Variants in OPRK1 observed in about 807,000 individuals in gnomAD.
OPRK1 encodes the protein opioid receptor kappa 1.
In OPRK1, 15 loss-of-function variants were observed where a neutral mutation model predicts 24.5. The ratio of observed to expected loss-of-function variants is 0.61; its 90% CI spans 0.41 to 0.94. The LOEUF is 0.94. OPRK1 is among the 40% of genes least tolerant of loss of function. The pLI is 0.00. For missense variants in OPRK1, 479 were observed against 507.3 expected (o/e 0.94, Z 0.54); for synonymous variants, 205 against 198.0 (o/e 1.04, Z -0.30).
intron 3 of OPRK1, among the ~76,000 whole-genome samples, chr8:53,233,992 T>C (rs1407394628): frequency 6.6e-6 from 1 of 151,832 alleles, no homozygotes; most frequent in Non-Finnish European, 1.5e-5. Flanking sequence ...GGTCAAGAGA[T>C]TGAGACCACC....
In OPRK1 at chr8:53,234,182, C is replaced by CAAAAAAAAAAAAAAAAAAAAAAA. The variant is rs546459906; in HGVS notation, c.610+576_610+577insTTTTTTTTTTTTTTTTTTTTTTT. Among the ~76,000 whole-genome samples the CAAAAAAAAAAAAAAAAAAAAAAA allele has an allele frequency of 1.5e-3, 98 of 65,298 alleles. 3 individuals carry two copies. Among genetic ancestry groups the CAAAAAAAAAAAAAAAAAAAAAAA allele is most frequent in the South Asian group, 3.7e-3 (5 of 1,360 alleles). 42.8% of individuals were successfully genotyped at this position (65,298 alleles called of 152,430 possible). ...CTGGCAACAGAGCAAGACTCTCTCT[C>CAAAAAAAAAAAAAAAAAAAAAAA]AAAAAAAAAAAAAAAAAAAAATCAG... On this transcript the variant is annotated intron_variant, in intron 3 of 3. Coordinates refer to ENST00000265572, the MANE Select transcript of OPRK1 (RefSeq NM_000912.5).
chr8:53,241,873 T>G (rs1427596510), intron 2 of OPRK1, among the ~76,000 whole-genome samples: 1 of 152,150 alleles, frequency 6.6e-6, no homozygotes, highest in East Asian at 1.9e-4. Flanking sequence ...GAGCGATGAT[T>G]CCGCGGGAAC....
At position 53,234,879 on chromosome 8, in the gene OPRK1, C is replaced by CG; in HGVS notation, c.489dup (p.Val164ArgfsTer46). The CG allele has an allele frequency of 6.2e-7, 1 of 1,614,126 alleles. No individual in the cohort carries two copies. The highest frequency in any genetic ancestry group is 8.5e-7 in the Non-Finnish European group (1 of 1,180,022). On this transcript the variant is annotated frameshift_variant, in exon 3 of 4. Coordinates refer to ENST00000265572, the MANE Select transcript of OPRK1 (RefSeq NM_000912.5). LOFTEE classifies it high-confidence loss of function. ...GGTGTGCGGAAGTCCAAAGCCTTCA[C>CG]GGGGTGGCACACGGCAATGTAGCGG...
intron 3 of OPRK1, among the ~76,000 whole-genome samples, chr8:53,233,961 G>T (rs193301101): frequency 6.6e-6 from 1 of 152,040 alleles, no homozygotes; most frequent in Non-Finnish European, 1.5e-5. Flanking sequence ...ACTTTGGGAG[G>T]CCGAGGCGGG....
chr8:53,242,012 C>T (rs748283839), intron 2 of OPRK1, among the ~76,000 whole-genome samples: 5 of 152,218 alleles, frequency 3.3e-5, no homozygotes, highest in African/African-American at 1.2e-4. Context: ...GCGCTTCTCA[C>T]GCCCAACAGC....
rs201188083 is a variant in OPRK1, at chr8:53,250,932, G to A, written c.106C>T (p.Pro36Ser). The change falls in exon 2 of 4, where the codon CCC becomes TCC. Residue 36 changes from proline (P) to serine (S), a missense_variant. Physicochemically the swap from Pro to Ser is moderately conservative, Grantham distance 74. Transcript: ENST00000265572. ...SSAWFPGWAEPDSNGSAGSED... is the reference protein window; with the variant it reads ...SSAWFPGWAESDSNGSAGSED... ...GAGCCGGCGCTGCCGTTGCTGTCGG[G>A]CTCGGCCCAGCCGGGAAACCAGGCG... 14 of 1,611,392 alleles carry A rather than the reference G, an allele frequency of 8.7e-6. No homozygotes were observed. Among genetic ancestry groups the A allele is most frequent in the Non-Finnish European group, 1.2e-5 (14 of 1,178,858 alleles).
chr8:53,251,414 A>G (rs748039424), intron 1 of OPRK1, 34 bp downstream of exon 1: 4 of 262,088 alleles, frequency 1.5e-5, no homozygotes, highest in Non-Finnish European at 2.9e-5. Context: ...ACGGAGCTCT[A>G]CCTAGAACTG....
At chr8:53,230,913 A>AT (rs958623969) in intron 3 of OPRK1, among the ~76,000 whole-genome samples, 90 of 152,320 alleles carry the variant, frequency 5.9e-4, no homozygotes, top group Non-Finnish European at 1.1e-3. Flanking sequence ...GCACATGAAT[A>AT]TTTTTTTAAA....
chr8:53,230,755 T>A (rs1471429242), intron 3 of OPRK1, among the ~76,000 whole-genome samples: 2 of 152,122 alleles, frequency 1.3e-5, no homozygotes, highest in African/African-American at 4.8e-5. Flanking sequence ...TTCCAACCCC[T>A]GCCCCTGAGA....
intron 2 of OPRK1, among the ~76,000 whole-genome samples, chr8:53,249,213 T>C (rs1351144758): frequency 6.6e-6 from 1 of 152,188 alleles, no homozygotes; most frequent in Non-Finnish European, 1.5e-5. Flanking sequence ...CTAAATATGA[T>C]ATGGGTAGAA....
intron 2 of OPRK1, among the ~76,000 whole-genome samples, chr8:53,247,356 T>A (rs1433343905): frequency 6.6e-6 from 1 of 152,186 alleles, no homozygotes; most frequent in Non-Finnish European, 1.5e-5. Context: ...TAACCTTAGT[T>A]TATTTCATCT....
intron 2 of OPRK1, among the ~76,000 whole-genome samples, chr8:53,237,092 C>T (rs567649343): frequency 6.6e-6 from 1 of 152,170 alleles, no homozygotes; most frequent in Non-Finnish European, 1.5e-5. Context: ...CTGACCCAGA[C>T]AGCATGTCTA....
At chr8:53,249,617 C>A (rs1174134427) in intron 2 of OPRK1, among the ~76,000 whole-genome samples, 1 of 151,972 alleles carries the variant, frequency 6.6e-6, no homozygotes, top group Non-Finnish European at 1.5e-5. Flanking sequence ...AATAAAAGAC[C>A]TGACATTCTC....
chr8:53,229,009 C>G lies in OPRK1; in HGVS notation c.*288G>C, dbSNP rs1806783985. 3.3e-6 allele frequency: 1 copy of G among 299,332 alleles called. No homozygotes were observed. The highest frequency in any genetic ancestry group is 6.2e-6 in the Non-Finnish European group (1 of 160,872). The allele number at this position is 299,332 out of a possible 1,614,324, so 18.5% of individuals were successfully genotyped here. On this transcript the variant is annotated 3_prime_UTR_variant, in exon 4 of 4. Transcript: ENST00000265572. ...CAGATGGGTGCTGAACCTTACCTAG[C>G]AAACCAGAAGGAAAAGACCTGTTCC...
chr8:53,243,385 ACT>A (rs1339082875), intron 2 of OPRK1, among the ~76,000 whole-genome samples: 1 of 152,212 alleles, frequency 6.6e-6, no homozygotes, highest in East Asian at 1.9e-4. Flanking sequence ...TCTGAAACTA[ACT>A]CTGAGACAGG....
intron 2 of OPRK1, among the ~76,000 whole-genome samples, chr8:53,249,755 T>TA (rs1807324026): frequency 6.6e-6 from 1 of 152,174 alleles, no homozygotes; most frequent in Non-Finnish European, 1.5e-5. Context: ...GTTTCAAAAC[T>TA]AAAATCAAGC....
At chr8:53,230,988 C>G (rs16918884) in intron 3 of OPRK1, among the ~76,000 whole-genome samples, 25,261 of 151,974 alleles carry the variant, frequency 0.17, 2,948 homozygotes, top group African/African-American at 0.32. Flanking sequence ...AATATCCAAT[C>G]TTACTAGAAT....
intron 2 of OPRK1, among the ~76,000 whole-genome samples, chr8:53,238,154 C>T (rs1199554301): frequency 1.3e-5 from 2 of 152,152 alleles, no homozygotes; most frequent in Non-Finnish European, 2.9e-5. Flanking sequence ...TGTATCTAAC[C>T]GCAACAGAAT....
rs73679699 is a variant in OPRK1 at position 53,245,372 on chromosome 8, G to A, written c.257+5409C>T. Among the ~76,000 whole-genome samples, 1,226 of 152,292 alleles carry A rather than the reference G, an allele frequency of 8.1e-3. 17 individuals carry two copies. Among genetic ancestry groups the A allele is most frequent in the Middle Eastern group, 0.037 (11 of 294 alleles). On this transcript the variant is annotated intron_variant, in intron 2 of 3. Coordinates refer to ENST00000265572, the MANE Select transcript of OPRK1 (RefSeq NM_000912.5). ...AGGGAGAAGGCAGCATCTACAGGCC[G>A]AGGAGAGAGGCCTCGGGCCTCAGGG...
Sources: gnomAD v4.1 joint callset for allele counts (sites outside exome capture counted in the v4.1 genomes callset) on GRCh38, gnomAD v4.1.1 for gene constraint, MANE v1.5 for transcripts, NCBI Gene and HGNC (gene_info 2026-07-23, HGNC 2026-07-21) for gene names.